The following NKAIN3 variants were observed in gnomAD, a reference collection of about 807,000 sequenced individuals.
NKAIN3 encodes sodium/potassium transporting ATPase interacting 3, also known as sodium/potassium-transporting ATPase subunit beta-1-interacting protein 3.
NKAIN3 carries 25 observed loss-of-function variants against 30.2 expected under a neutral mutation model. The ratio of observed to expected loss-of-function variants is 0.83; its 90% CI spans 0.60 to 1.16. The LOEUF (loss-of-function observed/expected upper bound fraction) is 1.16, where lower values mean the gene tolerates loss of function less well. Ranked by LOEUF, NKAIN3 falls within the 50% of genes most tolerant of loss-of-function variation. The pLI is 0.00. For synonymous variants in NKAIN3, 91 were observed against 89.6 expected (o/e 1.02, Z -0.09); for missense variants, 225 against 254.1 (o/e 0.89, Z 0.78).
Position 62,990,150 on chromosome 8 carries a change from CTTA to C in NKAIN3, c.533-9078_533-9076del, listed in dbSNP as rs781504300. On this transcript the variant is annotated intron_variant, in intron 5 of 5. Transcript: ENST00000519049. ...TAAATGTTGATATTTTAAAAATCAA[CTTA>C]TTTTTTATTCTCAGATTCATGTGAT... The C allele has an allele frequency of 7.1e-6, 8 of 1,133,338 alleles. No individual in the cohort carries two copies. The Admixed American group carries it at 1.8e-4, about 26-fold the overall frequency. 70.2% of individuals were successfully genotyped at this position (1,133,338 alleles called of 1,614,324 possible). A position where few individuals can be genotyped will look rare whatever the true frequency, so the allele number is the denominator to read the frequency against.
At chr8:62,383,864 A>G (rs1356439102) in intron 1 of NKAIN3, among the ~76,000 whole-genome samples, 1 of 147,930 alleles carries the variant, frequency 6.8e-6, no homozygotes, top group Non-Finnish European at 1.5e-5. Flanking sequence ...AGCTACAGTG[A>G]CAATTTCATG....
At chr8:62,826,166 A>G (rs1471931947) in intron 4 of NKAIN3, among the ~76,000 whole-genome samples, 1 of 152,138 alleles carries the variant, frequency 6.6e-6, no homozygotes, top group Non-Finnish European at 1.5e-5. Context: ...TCTTAGCCTC[A>G]TTTCCTAACT....
chr8:62,840,998 G>A (rs140695105), intron 4 of NKAIN3, among the ~76,000 whole-genome samples: 2 of 152,178 alleles, frequency 1.3e-5, no homozygotes, highest in African/African-American at 4.8e-5. Context: ...CACATCTACT[G>A]CAGCCAGGTC....
At chr8:62,545,917 A>G (rs1199219310) in intron 1 of NKAIN3, among the ~76,000 whole-genome samples, 2 of 152,248 alleles carry the variant, frequency 1.3e-5, no homozygotes, top group Non-Finnish European at 2.9e-5. Context: ...ACAAAAATAT[A>G]TAAACATGCC....
intron 5 of NKAIN3, among the ~76,000 whole-genome samples, chr8:62,928,554 T>C (rs1822519921): frequency 6.6e-6 from 1 of 152,138 alleles, no homozygotes; most frequent in Non-Finnish European, 1.5e-5. Flanking sequence ...GTTTGTTTGT[T>C]CTCCTCCCAA....
chr8:62,721,640 T>C (rs1372658150), intron 3 of NKAIN3, among the ~76,000 whole-genome samples: 1 of 152,200 alleles, frequency 6.6e-6, no homozygotes, highest in Non-Finnish European at 1.5e-5. Context: ...AAATTGCCTT[T>C]GTATTGTAGA....
At chr8:62,863,944 G>A in intron 4 of NKAIN3, 1 of 948,782 alleles carries the variant, frequency 1.1e-6, no homozygotes, top group Non-Finnish European at 1.7e-6. Context: ...GTCTGCCAAA[G>A]GTGGCGGTGG....
chr8:62,717,503 T>G (rs985616106), intron 3 of NKAIN3, among the ~76,000 whole-genome samples: 25 of 145,662 alleles, frequency 1.7e-4, no homozygotes, highest in African/African-American at 6.3e-4. Flanking sequence ...AATTAAGGGT[T>G]TTTTTTTTTA....
intron 3 of NKAIN3, among the ~76,000 whole-genome samples, chr8:62,689,043 A>G (rs1051949466): frequency 5.3e-5 from 8 of 152,304 alleles, no homozygotes; most frequent in Admixed American, 2.0e-4. Flanking sequence ...TGCCCATTCT[A>G]CGTGCTAATT....
At chr8:62,863,862 T>G (rs1319223379) in intron 4 of NKAIN3, 3 of 1,560,658 alleles carry the variant, frequency 1.9e-6, no homozygotes, top group Non-Finnish European at 2.6e-6. Flanking sequence ...TAGCCACCTT[T>G]GCAGTAGTCC....
intron 4 of NKAIN3, among the ~76,000 whole-genome samples, chr8:62,756,522 C>T (rs1024673846): frequency 4.6e-5 from 7 of 152,024 alleles, no homozygotes; most frequent in Non-Finnish European, 1.0e-4. Context: ...TTTAGTTAGC[C>T]TTCACCTTCC....
At chr8:62,794,491 AC>A (rs555813969) in intron 4 of NKAIN3, among the ~76,000 whole-genome samples, 1 of 150,964 alleles carries the variant, frequency 6.6e-6, no homozygotes, top group Non-Finnish European at 1.5e-5. Flanking sequence ...ATCTATACCC[AC>A]CCCCCCACCA....
At chr8:62,492,280 A>G (rs1045079620) in intron 1 of NKAIN3, among the ~76,000 whole-genome samples, 3 of 152,148 alleles carry the variant, frequency 2.0e-5, no homozygotes, top group Non-Finnish European at 4.4e-5. Flanking sequence ...GTATTTATTT[A>G]CTAGGTATAA....
intron 1 of NKAIN3, among the ~76,000 whole-genome samples, chr8:62,562,182 G>A (rs900799354): frequency 1.2e-4 from 19 of 152,108 alleles, no homozygotes; most frequent in Admixed American, 1.2e-3. Context: ...TAAAAACCTT[G>A]AAAATTAAGA....
intron 3 of NKAIN3, among the ~76,000 whole-genome samples, chr8:62,703,615 C>A (rs887951961): frequency 1.3e-5 from 2 of 152,222 alleles, no homozygotes; most frequent in African/African-American, 4.8e-5. Context: ...GCCCAGCTCT[C>A]ATTCAGAAAT....
At chr8:62,863,253 G>T in intron 4 of NKAIN3, 1 of 1,566,470 alleles carries the variant, frequency 6.4e-7, no homozygotes, top group Non-Finnish European at 8.7e-7. Context: ...TTTTCTTTTT[G>T]TTTTTAGATA....
chr8:62,456,451 A>G (rs1805822001), intron 1 of NKAIN3, among the ~76,000 whole-genome samples: 1 of 152,048 alleles, frequency 6.6e-6, no homozygotes, highest in African/African-American at 2.4e-5. Flanking sequence ...CCTGTGAGGC[A>G]GAGCTTGTAG....
chr8:62,293,871 G>C (rs897403753), intron 1 of NKAIN3, among the ~76,000 whole-genome samples: 1 of 152,176 alleles, frequency 6.6e-6, no homozygotes, highest in South Asian at 2.1e-4. Context: ...TCCTTGAGCT[G>C]CAGTGGGCTC....
intron 1 of NKAIN3, among the ~76,000 whole-genome samples, chr8:62,524,904 A>C (rs540458034): frequency 6.6e-6 from 1 of 152,108 alleles, no homozygotes; most frequent in South Asian, 2.1e-4. Context: ...GATGCTCTAT[A>C]TGGTCATATT....
Sources: gnomAD v4.1 joint callset for allele counts (sites outside exome capture counted in the v4.1 genomes callset) on GRCh38, gnomAD v4.1.1 for gene constraint, MANE v1.5 for transcripts, NCBI Gene and HGNC (gene_info 2026-07-23, HGNC 2026-07-21) for gene names.